Variants in EFHD1 observed in about 807,000 individuals in gnomAD.
EFHD1 encodes EF-hand domain-containing protein D1.
Under a neutral mutation model 17.2 loss-of-function variants are expected in EFHD1, and 10 were observed. The ratio of observed to expected loss-of-function variants is 0.58; its 90% confidence interval spans 0.36 to 0.99. The LOEUF (loss-of-function observed/expected upper bound fraction) is 0.99. Among genes scored for constraint, EFHD1 ranks in the 50% least tolerant of loss-of-function variants. EFHD1 has a pLI of 0.01. For synonymous variants in EFHD1, 153 were observed against 142.0 expected, an observed-to-expected ratio of 1.08 and a Z score of -0.55; for missense variants, 310 against 327.5, an observed-to-expected ratio of 0.95 and a Z score of 0.41.
chr2:232,608,996 G>A (rs1693765897), intron 1 of EFHD1, among the ~76,000 whole-genome samples: 1 of 150,308 alleles, frequency 6.7e-6, no homozygotes, highest in Non-Finnish European at 1.5e-5. Context: ...CATTTGAATG[G>A]ATGAATCTCT....
exon 1 of EFHD1, chr2:232,606,158 C>G: frequency 6.5e-7 from 1 of 1,549,932 alleles, no homozygotes; most frequent in African/African-American, 1.4e-5. Context: ...CCCAGACATA[C>G]GATGGGAGAG....
In EFHD1 at chr2:232,682,613, G is replaced by T. The variant is rs971566829; in HGVS notation, c.*894G>T. 6.6e-6 allele frequency: 1 copy of T among 152,042 alleles called. No homozygotes were observed. Among genetic ancestry groups the T allele is most frequent in the Non-Finnish European group, 1.5e-5 (1 of 68,022 alleles). 9.4% of individuals were successfully genotyped at this position (152,042 alleles called of 1,614,324 possible). On this transcript the variant is annotated 3_prime_UTR_variant, in exon 4 of 4. Transcript: ENST00000264059. ...AGCCAGTTTCTAACATCTGTTTCAG[G>T]GTATCCAGCTGTAGATGTTCTTATC...
intron 1 of EFHD1, among the ~76,000 whole-genome samples, chr2:232,655,802 C>CTTTTTT (rs66762860): frequency 6.0e-5 from 8 of 133,304 alleles, no homozygotes; most frequent in East Asian, 2.2e-4. Context: ...TGTGTGGGGT[C>CTTTTTT]TTTTTTTTTT....
intron 1 of EFHD1, among the ~76,000 whole-genome samples, chr2:232,655,482 T>C (rs1694743876): frequency 6.6e-6 from 1 of 152,234 alleles, no homozygotes; most frequent in Non-Finnish European, 1.5e-5. Flanking sequence ...TGTGCTCTGT[T>C]TCCCTCTTGT....
intron 1 of EFHD1, among the ~76,000 whole-genome samples, chr2:232,621,130 C>G (rs938242025): frequency 6.6e-6 from 1 of 152,194 alleles, no homozygotes; most frequent in African/African-American, 2.4e-5. Flanking sequence ...TCCAAACCAC[C>G]CTGACTGCTG....
At chr2:232,634,027 C>G in intron 1 of EFHD1, 21 bp downstream of exon 1, 1 of 1,596,264 alleles carries the variant, frequency 6.3e-7, no homozygotes, top group Non-Finnish European at 8.5e-7. Flanking sequence ...GCTGCGCGCC[C>G]TTCGCCCCCG....
chr2:232,615,212 C>G (rs1421276004), intron 1 of EFHD1, among the ~76,000 whole-genome samples: 1 of 151,834 alleles, frequency 6.6e-6, no homozygotes, highest in Non-Finnish European at 1.5e-5. Context: ...CAATAGCAGG[C>G]TATTAGCAGT....
intron 1 of EFHD1, among the ~76,000 whole-genome samples, chr2:232,613,727 C>G (rs1044309642): frequency 3.3e-5 from 5 of 151,278 alleles, no homozygotes; most frequent in East Asian, 1.9e-4. Flanking sequence ...TATACACACA[C>G]ATATACGCAC....
At chr2:232,624,104 C>A (rs1189334037) in intron 1 of EFHD1, among the ~76,000 whole-genome samples, 1 of 152,198 alleles carries the variant, frequency 6.6e-6, no homozygotes, top group Non-Finnish European at 1.5e-5. Context: ...TCCCTCCCTG[C>A]AGCCGTTTAG....
chr2:232,612,802 G>C (rs975113482), intron 1 of EFHD1, among the ~76,000 whole-genome samples: 1 of 148,274 alleles, frequency 6.7e-6, no homozygotes, highest in Non-Finnish European at 1.5e-5. Context: ...GCGTGATCTC[G>C]GCTCACTGCA....
Position 232,650,397 on chromosome 2 carries a change from C to T in EFHD1, c.303-12405C>T, listed in dbSNP as rs111615061. Among the ~76,000 whole-genome samples, 138 of 145,436 alleles carry T rather than the reference C, an allele frequency of 9.5e-4. 1 individual carries two copies. In the South Asian group the frequency reaches 0.022, roughly 23 times the overall value. On this transcript the variant is annotated intron_variant, in intron 1 of 3. Transcript: ENST00000264059. ...GCAATCTCCGCCTCCCAGGTCCAAG[C>T]GATTCTCCTGTCTCAGCCTCCTGAG...
At chr2:232,624,017 A>G (rs1410191603) in intron 1 of EFHD1, among the ~76,000 whole-genome samples, 1 of 152,144 alleles carries the variant, frequency 6.6e-6, no homozygotes, top group East Asian at 1.9e-4. Flanking sequence ...CCTGAAGGGC[A>G]TGGGTGGGGA....
intron 1 of EFHD1, among the ~76,000 whole-genome samples, chr2:232,647,229 G>A (rs1013828200): frequency 6.6e-6 from 1 of 152,260 alleles, no homozygotes; most frequent in Non-Finnish European, 1.5e-5. Context: ...GTGTGGGCCT[G>A]GAGTGGAGAA....
In EFHD1 at chr2:232,623,692, AAAGAAG is replaced by A. The variant is rs764686769; in HGVS notation, c.14+17540_14+17545del. 2.7e-3 allele frequency among the ~76,000 whole-genome samples: 274 copies of A among 101,870 alleles called. 10 individuals carry two copies. Among genetic ancestry groups the A allele is most frequent in the East Asian group, 9.5e-3 (19 of 1,994 alleles). 66.8% of individuals were successfully genotyped at this position (101,870 alleles called of 152,430 possible). On this transcript the variant is annotated intron_variant, in intron 1 of 3. Transcript: ENST00000409613. ...TCTGTCCAAAAAAAAAAAAAAAAAA[AAAGAAG>A]AAGAAGAAGAAGAAGAAGAAAGAAA...
intron 1 of EFHD1, among the ~76,000 whole-genome samples, chr2:232,628,267 G>A (rs1694143918): frequency 6.6e-6 from 1 of 152,096 alleles, no homozygotes; most frequent in Non-Finnish European, 1.5e-5. Context: ...CACCGTGTTG[G>A]CCAGGCTGGT....
intron 1 of EFHD1, among the ~76,000 whole-genome samples, chr2:232,613,811 CACAT>C (rs890410598): frequency 2.2e-5 from 3 of 139,460 alleles, no homozygotes; most frequent in Non-Finnish European, 3.1e-5. Context: ...AAAATATACA[CACAT>C]ATACACACAC....
intron 1 of EFHD1, among the ~76,000 whole-genome samples, chr2:232,654,416 C>CTTTTTTTTTTTTTTTTT (rs539954632): frequency 1.1e-5 from 1 of 94,596 alleles, no homozygotes; most frequent in Admixed American, 1.3e-4. Flanking sequence ...TTCTTTCTTT[C>CTTTTTTTTTTTTTTTTT]TTTTTTTTTT....
At chr2:232,679,874 G>A (rs1388084768) in intron 3 of EFHD1, among the ~76,000 whole-genome samples, 1 of 152,138 alleles carries the variant, frequency 6.6e-6, no homozygotes, top group Non-Finnish European at 1.5e-5. Flanking sequence ...AAACATTAAT[G>A]ATAACCTTGG....
chr2:232,609,263 G>T (rs1432758275), intron 1 of EFHD1, among the ~76,000 whole-genome samples: 2 of 151,940 alleles, frequency 1.3e-5, no homozygotes, highest in East Asian at 3.9e-4. Context: ...GTTTCGCCAT[G>T]TTGGCCAGGC....
Sources: allele counts gnomAD v4.1 joint callset (sites outside exome capture counted in the v4.1 genomes callset), GRCh38; gene constraint gnomAD v4.1.1; transcripts MANE v1.5; gene names NCBI Gene and HGNC (gene_info 2026-07-23, HGNC 2026-07-21).